Variants in NLGN1 observed in about 807,000 individuals in gnomAD.
NLGN1 encodes neuroligin 1.
NLGN1 carries 12 observed loss-of-function variants against 65.5 expected under a neutral mutation model. That is an observed-to-expected ratio of 0.18 (90% CI 0.12 to 0.30). The LOEUF (loss-of-function observed/expected upper bound fraction) is 0.30, where lower values mean the gene tolerates loss of function less well. NLGN1 is among the 10% of genes least tolerant of loss of function. The pLI, the probability that NLGN1 is intolerant of heterozygous loss-of-function variation, is 1.00. For synonymous variants in NLGN1, 350 were observed against 359.5 expected (o/e 0.97, Z 0.30); for missense variants, 750 against 1,007.1 (o/e 0.74, Z 3.46).
chr3:173,760,594 A>G (rs934523572), intron 3 of NLGN1, among the ~76,000 whole-genome samples: 8 of 152,006 alleles, frequency 5.3e-5, no homozygotes, highest in Admixed American at 2.0e-4. Flanking sequence ...CCTTTTATGC[A>G]TAGTTTATTG....
chr3:174,172,358 C>T (rs1728707191), intron 4 of NLGN1, among the ~76,000 whole-genome samples: 1 of 152,010 alleles, frequency 6.6e-6, no homozygotes, highest in African/African-American at 2.4e-5. Context: ...TATGATCACC[C>T]TGTTGTAGTA....
intron 3 of NLGN1, among the ~76,000 whole-genome samples, chr3:173,698,897 C>A (rs1043686348): frequency 2.6e-4 from 40 of 152,158 alleles, no homozygotes; most frequent in African/African-American, 9.4e-4. Context: ...CCTCTTGTTG[C>A]CGAGGCTGGA....
At chr3:174,160,481 G>A (rs1283652176) in intron 4 of NLGN1, among the ~76,000 whole-genome samples, 1 of 151,422 alleles carries the variant, frequency 6.6e-6, no homozygotes, top group African/African-American at 2.4e-5. Flanking sequence ...TAAAGAATAT[G>A]TTTCTTATTT....
At chr3:173,563,632 A>T (rs906617763) in intron 2 of NLGN1, among the ~76,000 whole-genome samples, 4 of 152,190 alleles carry the variant, frequency 2.6e-5, no homozygotes, top group Non-Finnish European at 4.4e-5. Context: ...TAAAAATGTG[A>T]TAATATTCTG....
chr3:173,756,295 T>C (rs190288207), intron 3 of NLGN1, among the ~76,000 whole-genome samples: 18 of 152,030 alleles, frequency 1.2e-4, no homozygotes, highest in African/African-American at 3.9e-4. Context: ...ATAGTAAACA[T>C]CAATATAAAT....
intron 2 of NLGN1, among the ~76,000 whole-genome samples, chr3:173,563,254 G>A (rs1266783920): frequency 6.6e-6 from 1 of 152,202 alleles, no homozygotes; most frequent in East Asian, 1.9e-4. Flanking sequence ...CTTGCTCATA[G>A]TATTTTTACA....
intron 4 of NLGN1, among the ~76,000 whole-genome samples, chr3:173,856,776 A>C (rs965013184): frequency 6.6e-6 from 1 of 152,164 alleles, no homozygotes; most frequent in Non-Finnish European, 1.5e-5. Flanking sequence ...ACTAGAGAGA[A>C]AAGTGAACAG....
intron 3 of NLGN1, among the ~76,000 whole-genome samples, chr3:173,617,544 T>C (rs1753299445): frequency 6.6e-6 from 1 of 152,208 alleles, no homozygotes; most frequent in Admixed American, 6.5e-5. Context: ...ACTGTTTGTT[T>C]ATGGCGCAGT....
chr3:173,796,542 A>G (rs1006183014), intron 3 of NLGN1, among the ~76,000 whole-genome samples: 3 of 152,106 alleles, frequency 2.0e-5, no homozygotes, highest in Admixed American at 6.6e-5. Context: ...GATATAAAGT[A>G]TAGTAATTAC....
intron 3 of NLGN1, among the ~76,000 whole-genome samples, chr3:173,651,721 G>C (rs1363411967): frequency 2.0e-5 from 3 of 152,044 alleles, no homozygotes; most frequent in Non-Finnish European, 4.4e-5. Flanking sequence ...GTGATGTTGA[G>C]CATTTTTTTT....
At chr3:173,437,070 T>TAAG in intron 2 of NLGN1, among the ~76,000 whole-genome samples, 1 of 152,330 alleles carries the variant, frequency 6.6e-6, no homozygotes, top group South Asian at 2.1e-4. Context: ...ACATTAGCAA[T>TAAG]AAGAAGCACT....
chr3:173,798,137 A>G (rs1714572235), intron 3 of NLGN1, among the ~76,000 whole-genome samples: 1 of 152,146 alleles, frequency 6.6e-6, no homozygotes, highest in African/African-American at 2.4e-5. Flanking sequence ...TTAGCAAACT[A>G]ATGATTCAGG....
chr3:174,033,069 G>C (rs1293531502), intron 4 of NLGN1, among the ~76,000 whole-genome samples: 1 of 151,702 alleles, frequency 6.6e-6, no homozygotes, highest in East Asian at 1.9e-4. Context: ...TCACAACCTC[G>C]AGACAGCCCA....
chr3:173,594,794 C>A (rs1749169546), intron 2 of NLGN1, among the ~76,000 whole-genome samples: 1 of 152,224 alleles, frequency 6.6e-6, no homozygotes, highest in African/African-American at 2.4e-5. Context: ...TCCCAAACCT[C>A]AGTTCTTCAC....
intron 4 of NLGN1, among the ~76,000 whole-genome samples, chr3:174,150,823 A>T (rs1184656042): frequency 6.6e-6 from 1 of 152,160 alleles, no homozygotes; most frequent in Non-Finnish European, 1.5e-5. Context: ...AAAACATTAA[A>T]TAATCAAAGA....
intron 4 of NLGN1, among the ~76,000 whole-genome samples, chr3:174,115,286 G>A (rs1283311713): frequency 6.6e-6 from 1 of 152,096 alleles, no homozygotes; most frequent in African/African-American, 2.4e-5. Context: ...GAGATTAAAT[G>A]AGAGAACTAC....
At chr3:173,586,060 A>T (rs1362339135) in intron 2 of NLGN1, among the ~76,000 whole-genome samples, 1 of 152,198 alleles carries the variant, frequency 6.6e-6, no homozygotes, top group Admixed American at 6.5e-5. Context: ...GAACTGATTT[A>T]TTTGAGGGAT....
intron 4 of NLGN1, among the ~76,000 whole-genome samples, chr3:174,170,417 G>A (rs1454383883): frequency 1.3e-5 from 2 of 152,144 alleles, no homozygotes; most frequent in African/African-American, 4.8e-5. Flanking sequence ...ATCCACTGCT[G>A]TAATCCACCA....
intron 1 of NLGN1, among the ~76,000 whole-genome samples, chr3:173,429,287 T>C (rs571088924): frequency 1.3e-5 from 2 of 152,320 alleles, no homozygotes; most frequent in African/African-American, 4.8e-5. Flanking sequence ...TAACCTCTAA[T>C]GTATTTTTCT....
Sources: gnomAD v4.1 joint callset for allele counts (sites outside exome capture counted in the v4.1 genomes callset) on GRCh38, gnomAD v4.1.1 for gene constraint, MANE v1.5 for transcripts, NCBI Gene and HGNC (gene_info 2026-07-23, HGNC 2026-07-21) for gene names.